Variants in GALNT9 observed in about 807,000 individuals in gnomAD.
The protein encoded by GALNT9 is polypeptide N-acetylgalactosaminyltransferase 9, also known as GalNAc transferase 9.
In GALNT9, 47 loss-of-function variants were observed where a neutral mutation model predicts 63.1. The ratio of observed to expected loss-of-function variants is 0.75; its 90% CI spans 0.59 to 0.95. GALNT9 has a LOEUF of 0.95. Among genes scored for constraint, GALNT9 ranks in the 40% least tolerant of loss-of-function variants. GALNT9 has a pLI of 0.00. For missense variants in GALNT9, 829 were observed against 874.8 expected (o/e 0.95, Z 0.66); for synonymous variants, 396 against 365.7 (o/e 1.08, Z -0.94).
chr12:132,240,779 G>C (rs1555236949), intron 6 of GALNT9: 29 of 453,606 alleles, frequency 6.4e-5, no homozygotes, highest in South Asian at 4.0e-4. Context: ...TGTGCAGTAT[G>C]ATCTATACAT....
At chr12:132,198,032 C>G in intron 9 of GALNT9, 73 bp from the exon 10 acceptor site, 1 of 1,302,936 alleles carries the variant, frequency 7.7e-7, no homozygotes, top group East Asian at 2.4e-5. Flanking sequence ...ACAGGCCGTG[C>G]GAGCTGCCTT....
rs1365037548 is a variant in GALNT9, at chr12:132,310,381, C to A, written c.238+18585G>T. Among the ~76,000 whole-genome samples the A allele has an allele frequency of 1.3e-5, 2 of 152,214 alleles. No individual in the cohort carries two copies. Among genetic ancestry groups the A allele is most frequent in the Non-Finnish European group, 2.9e-5 (2 of 68,044 alleles). On this transcript the variant is annotated intron_variant, in intron 1 of 10. Coordinates refer to ENST00000328957, the MANE Select transcript of GALNT9 (RefSeq NM_001122636.2). The surrounding 1 kb of genome is among the most constrained non-coding windows in gnomAD (Gnocchi z 4.8). ...ACCCAGAGGAGCCGGGGCTGAGTGC[C>A]AGGAGTGAGAGCGCACCCACGTGAG...
At chr12:132,240,752 C>G in intron 6 of GALNT9, 1 of 455,594 alleles carries the variant, frequency 2.2e-6, no homozygotes, top group South Asian at 1.5e-5. Flanking sequence ...AGAACCTGAT[C>G]ACCAGCAGAA....
At chr12:132,259,282 A>G (rs545983648) in intron 4 of GALNT9, among the ~76,000 whole-genome samples, 5 of 152,336 alleles carry the variant, frequency 3.3e-5, no homozygotes, top group Admixed American at 1.3e-4. Context: ...GACAGACCCA[A>G]GGCTCCCCCA....
intron 2 of GALNT9, chr12:132,283,912 G>C (rs1342015797): frequency 1.3e-5 from 2 of 152,130 alleles, no homozygotes; most frequent in Non-Finnish European, 2.9e-5. Flanking sequence ...CTAGCAAGTT[G>C]TGGACCGTCA....
intron 9 of GALNT9, 66 bp downstream of exon 9, chr12:132,199,108 T>G: frequency 4.8e-6 from 5 of 1,043,546 alleles, no homozygotes; most frequent in Non-Finnish European, 7.3e-6. Context: ...TGCCCCAGGG[T>G]GTAGGGTCCG....
chr12:132,328,002 G>A (rs1318217108), intron 1 of GALNT9, among the ~76,000 whole-genome samples: 3 of 152,184 alleles, frequency 2.0e-5, no homozygotes, highest in African/African-American at 7.2e-5. Context: ...GAGGAGGTTT[G>A]CTGGGGCTGC....
intron 2 of GALNT9, among the ~76,000 whole-genome samples, chr12:132,271,934 C>T (rs1381423320): frequency 2.6e-5 from 4 of 152,166 alleles, no homozygotes; most frequent in Non-Finnish European, 4.4e-5. Flanking sequence ...GGCGGCCACA[C>T]GTGAACTGTG....
Position 132,207,595 on chromosome 12 carries a change from G to A in GALNT9, c.1078-3905C>T, listed in dbSNP as rs543071890. Among the ~76,000 whole-genome samples, 31 of 152,280 alleles carry A rather than the reference G, an allele frequency of 2.0e-4. No homozygotes were observed. The East Asian group carries it at 2.5e-3, about 12-fold the overall frequency. On this transcript the variant is annotated intron_variant, in intron 6 of 10. Transcript: ENST00000328957. The stretch of plus-strand genomic sequence containing the variant: ...TCTCTCGGCCCTCGGGTCCCCCACC[G>A]TGTCTCTAGAAGGACCGAAGCTACG...
chr12:132,299,080 G>A (rs550451550), intron 1 of GALNT9, among the ~76,000 whole-genome samples: 20 of 85,496 alleles, frequency 2.3e-4, no homozygotes, highest in African/African-American at 8.0e-4. Context: ...TAACCCACCC[G>A]AGATAACCAA....
At chr12:132,231,029 CG>C (rs1877873422) in intron 6 of GALNT9, among the ~76,000 whole-genome samples, 3 of 142,972 alleles carry the variant, frequency 2.1e-5, no homozygotes, top group Non-Finnish European at 3.1e-5. Context: ...GCCACACACT[CG>C]ATGGGGCGAC....
chr12:132,286,359 GCA>G lies in GALNT9; in HGVS notation c.308_309del (p.Leu103ProfsTer2). ...CCTTCCGCCTCCTGGCCGTCATCACGCAGGGTGGCCGCCAAGCCACCCTGGCC... is the reference window on the plus strand; with the variant it reads ...CCTTCCGCCTCCTGGCCGTCATCACGGGGTGGCCGCCAAGCCACCCTGGCC... ...GLGQGGLAATLRDDGQEAEGK... is the reference protein window; with the variant it reads ...GLGQGGLAATXRDDGQEAEGK... On this transcript the variant is annotated frameshift_variant, in exon 2 of 11. Coordinates refer to ENST00000328957, the MANE Select transcript of GALNT9 (RefSeq NM_001122636.2). LOFTEE classifies it high-confidence loss of function. This position sits in a 1 kb window ranked among gnomAD's most constrained non-coding sequence, Gnocchi z 7.4. The G allele has an allele frequency of 1.3e-6, 2 of 1,550,836 alleles. No individual in the cohort carries two copies. Among genetic ancestry groups the G allele is most frequent in the Non-Finnish European group, 1.7e-6 (2 of 1,146,858 alleles).
chr12:132,206,761 GC>G lies in GALNT9; in HGVS notation c.1078-3072del, dbSNP rs1299973838. On this transcript the variant is annotated intron_variant, in intron 6 of 10. Coordinates refer to ENST00000328957, the MANE Select transcript of GALNT9 (RefSeq NM_001122636.2). ...GCCGGCAACTGGGAGGAGGAGCCGA[GC>G]CCCCACACAAGGAAATGGCAAATGT... Among the ~76,000 whole-genome samples the G allele has an allele frequency of 3.3e-5, 5 of 152,278 alleles. No individual in the cohort carries two copies. The East Asian group carries it at 9.6e-4, about 29-fold the overall frequency.
intron 1 of GALNT9, among the ~76,000 whole-genome samples, chr12:132,318,428 G>A (rs554093330): frequency 8.7e-4 from 132 of 152,124 alleles, no homozygotes; most frequent in African/African-American, 3.1e-3. Context: ...CCTGCCCTTC[G>A]TGACCCAGCT....
intron 1 of GALNT9, among the ~76,000 whole-genome samples, chr12:132,318,454 A>C (rs1555245868): frequency 1.3e-5 from 2 of 150,456 alleles, no homozygotes; most frequent in Non-Finnish European, 2.9e-5. Flanking sequence ...TCCAGCCTCC[A>C]ACACAGGGGC....
chr12:132,226,822 AACACACCCCACACACACCATAT>A (rs1296279559), intron 6 of GALNT9, among the ~76,000 whole-genome samples: 2 of 124,584 alleles, frequency 1.6e-5, no homozygotes, highest in African/African-American at 6.2e-5. Flanking sequence ...ACATCCCATA[AACACACCCCACACACACCATAT>A]ACACACCCCA....
At chr12:132,267,854 GCACA>G (rs375981673) in intron 2 of GALNT9, among the ~76,000 whole-genome samples, 1 of 102,750 alleles carries the variant, frequency 9.7e-6, no homozygotes, top group African/African-American at 4.9e-5. Flanking sequence ...CAACCCACAT[GCACA>G]CACACACGCA....
In GALNT9 at chr12:132,286,979, C is replaced by T. The variant is rs1880617170; in HGVS notation, c.239-549G>A. Among the ~76,000 whole-genome samples, 2 of 149,610 alleles carry T rather than the reference C, an allele frequency of 1.3e-5. No individual in the cohort carries two copies. The highest frequency in any genetic ancestry group is 4.2e-4 in the South Asian group (2 of 4,746). On this transcript the variant is annotated intron_variant, in intron 1 of 10. Coordinates refer to ENST00000328957, the MANE Select transcript of GALNT9 (RefSeq NM_001122636.2). The surrounding 1 kb of genome is among the most constrained non-coding windows in gnomAD (Gnocchi z 7.4). ...TAGGCCTCCCAAAGTGCTGGGATTACAGGCGTGAGTCACTGCACTGGCCAA... is the reference window on the plus strand; with the variant it reads ...TAGGCCTCCCAAAGTGCTGGGATTATAGGCGTGAGTCACTGCACTGGCCAA...
At chr12:132,297,664 A>G (rs1227600602) in intron 1 of GALNT9, among the ~76,000 whole-genome samples, 1 of 151,334 alleles carries the variant, frequency 6.6e-6, no homozygotes, top group African/African-American at 2.4e-5. Flanking sequence ...AGCCATTCCC[A>G]CCATAACCAA....
Sources: allele counts gnomAD v4.1 joint callset (sites outside exome capture counted in the v4.1 genomes callset), GRCh38; gene constraint gnomAD v4.1.1; non-coding constraint Gnocchi (gnomAD v3.1); transcripts MANE v1.5; gene names NCBI Gene and HGNC (gene_info 2026-07-23, HGNC 2026-07-21).